Variants in NOL4 observed in about 807,000 individuals in gnomAD.
The protein encoded by NOL4 is nucleolar protein 4.
A neutral mutation model predicts 75.9 loss-of-function variants in NOL4; 17 were observed. The observed-to-expected ratio is 0.22, with a 90% CI of 0.15 to 0.34. The LOEUF (loss-of-function observed/expected upper bound fraction) is 0.34. Among genes scored for constraint, NOL4 ranks in the 10% least tolerant of loss-of-function variants. The probability of loss-of-function intolerance (pLI) is 1.00; values close to 1 mark genes in which losing one functional copy is unlikely to be tolerated. For missense variants in NOL4, 614 were observed against 793.5 expected (o/e 0.77, Z 2.72); for synonymous variants, 292 against 289.9 (o/e 1.01, Z -0.07).
chr18:34,180,474 A>G (rs763840179), intron 1 of NOL4, among the ~76,000 whole-genome samples: 3 of 151,636 alleles, frequency 2.0e-5, no homozygotes, highest in Non-Finnish European at 4.4e-5. Flanking sequence ...GGACTTAAAG[A>G]AACATCCTCC....
intron 1 of NOL4, among the ~76,000 whole-genome samples, chr18:34,202,112 C>T (rs1200875658): frequency 2.6e-5 from 4 of 151,820 alleles, no homozygotes; most frequent in Non-Finnish European, 4.4e-5. Flanking sequence ...AAGTTTATTT[C>T]AATTTGTATT....
At chr18:34,079,451 T>C (rs1277575205) in intron 5 of NOL4, among the ~76,000 whole-genome samples, 1 of 151,910 alleles carries the variant, frequency 6.6e-6, no homozygotes, top group Non-Finnish European at 1.5e-5. Flanking sequence ...TTTCCTTTAG[T>C]GTAAGTACCT....
At chr18:33,998,836 C>T (rs867477515) in intron 6 of NOL4, among the ~76,000 whole-genome samples, 25 of 152,160 alleles carry the variant, frequency 1.6e-4, no homozygotes, top group Non-Finnish European at 3.4e-4. Context: ...ACATAGATGG[C>T]CCTTGAAATG....
At chr18:34,054,835 G>T (rs1292673493) in intron 5 of NOL4, among the ~76,000 whole-genome samples, 1 of 151,308 alleles carries the variant, frequency 6.6e-6, no homozygotes, top group Non-Finnish European at 1.5e-5. Context: ...TTTGGTAATG[G>T]CATGCTTTGA....
chr18:34,017,764 C>T (rs2074787131), intron 6 of NOL4, among the ~76,000 whole-genome samples: 1 of 152,154 alleles, frequency 6.6e-6, no homozygotes. Flanking sequence ...AGCTTTCATA[C>T]ATTACACCCT....
chr18:33,868,317 C>A (rs1386206685), intron 10 of NOL4, among the ~76,000 whole-genome samples: 1 of 151,758 alleles, frequency 6.6e-6, no homozygotes, highest in Non-Finnish European at 1.5e-5. Flanking sequence ...TAGGTGTGAG[C>A]CACTGAGCCC....
intron 2 of NOL4, among the ~76,000 whole-genome samples, chr18:34,110,848 A>T (rs1600627443): frequency 6.6e-6 from 1 of 152,170 alleles, no homozygotes; most frequent in Non-Finnish European, 1.5e-5. Context: ...AGGACAAAAA[A>T]ATCAGGATAC....
At chr18:33,970,102 T>A (rs2070931814) in intron 6 of NOL4, among the ~76,000 whole-genome samples, 1 of 152,196 alleles carries the variant, frequency 6.6e-6, no homozygotes, top group Non-Finnish European at 1.5e-5. Context: ...ATGCAGCTCC[T>A]GAAAGTCTGA....
intron 6 of NOL4, among the ~76,000 whole-genome samples, chr18:34,014,793 C>T (rs1278169653): frequency 4.6e-5 from 7 of 152,022 alleles, no homozygotes; most frequent in African/African-American, 1.7e-4. Flanking sequence ...TAATGTGATT[C>T]CCTGCTAGTC....
intron 9 of NOL4, among the ~76,000 whole-genome samples, chr18:33,941,816 T>C (rs957432987): frequency 2.0e-5 from 3 of 151,914 alleles, no homozygotes; most frequent in Non-Finnish European, 2.9e-5. Flanking sequence ...CTAATCACTA[T>C]GCCAGATGGT....
chr18:33,958,050 T>C (rs1296817133), intron 7 of NOL4, among the ~76,000 whole-genome samples, 189 bp downstream of exon 7: 1 of 152,176 alleles, frequency 6.6e-6, no homozygotes, highest in Non-Finnish European at 1.5e-5. Context: ...AGCTCACATT[T>C]GGCTTTAAAA....
intron 6 of NOL4, among the ~76,000 whole-genome samples, chr18:34,001,486 A>G (rs2073701178): frequency 1.3e-5 from 2 of 152,096 alleles, no homozygotes; most frequent in Admixed American, 1.3e-4. Flanking sequence ...TAATGTCTTA[A>G]AGACTTCATA....
At chr18:34,070,945 T>C (rs1199037384) in intron 5 of NOL4, among the ~76,000 whole-genome samples, 2 of 152,140 alleles carry the variant, frequency 1.3e-5, no homozygotes, top group African/African-American at 2.4e-5. Context: ...TGGAAATATA[T>C]AATTTTAAAA....
intron 8 of NOL4, among the ~76,000 whole-genome samples, chr18:33,947,123 C>T (rs2068889376): frequency 6.6e-6 from 1 of 151,750 alleles, no homozygotes; most frequent in South Asian, 2.1e-4. Context: ...GCTTCTATCA[C>T]TTAACAACTC....
intron 6 of NOL4, among the ~76,000 whole-genome samples, chr18:33,994,334 A>C (rs1049462231): frequency 6.6e-6 from 1 of 151,846 alleles, no homozygotes; most frequent in African/African-American, 2.4e-5. Flanking sequence ...AGAACATTCT[A>C]CCCAACAACA....
intron 8 of NOL4, among the ~76,000 whole-genome samples, chr18:33,945,522 T>G (rs1394188604): frequency 6.6e-6 from 1 of 151,816 alleles, no homozygotes. Flanking sequence ...TAATAATTTA[T>G]GTAATTTCCT....
At chr18:33,936,439 T>G (rs1039054229) in intron 9 of NOL4, among the ~76,000 whole-genome samples, 8 of 149,432 alleles carry the variant, frequency 5.4e-5, no homozygotes, top group African/African-American at 1.7e-4. Flanking sequence ...AACTTAGTGA[T>G]GTATAAGTTT....
At chr18:33,973,131 C>T (rs780990069) in intron 6 of NOL4, among the ~76,000 whole-genome samples, 1 of 152,184 alleles carries the variant, frequency 6.6e-6, no homozygotes, top group Non-Finnish European at 1.5e-5. Context: ...TAAGCTTAAG[C>T]TTATGTAATA....
Position 34,105,241 on chromosome 18 carries a change from A to C in NOL4, c.415-81T>G, listed in dbSNP as rs2079216810. On this transcript the variant is annotated intron_variant, in intron 2 of 10. Coordinates refer to ENST00000261592, the MANE Select transcript of NOL4 (RefSeq NM_003787.5). Reference sequence around the variant, plus strand: ...AACAGAAATGATCATTGTATTTCCAAATAAGACACGTTATTCCATAATGGC... The same window carrying C: ...AACAGAAATGATCATTGTATTTCCACATAAGACACGTTATTCCATAATGGC... 3.3e-6 allele frequency: 3 copies of C among 912,352 alleles called. No homozygotes were observed. The South Asian group carries it at 4.1e-5, about 13-fold the overall frequency. 56.5% of individuals were successfully genotyped at this position (912,352 alleles called of 1,614,324 possible).
Sources: gnomAD v4.1 joint callset for allele counts (sites outside exome capture counted in the v4.1 genomes callset) on GRCh38, gnomAD v4.1.1 for gene constraint, MANE v1.5 for transcripts, NCBI Gene and HGNC (gene_info 2026-07-23, HGNC 2026-07-21) for gene names.